The following MAPK10 variants were observed in gnomAD, a reference collection of about 807,000 sequenced individuals.
MAPK10 encodes the protein JNK3 alpha protein kinase.
A neutral mutation model predicts 59.3 loss-of-function variants in MAPK10; 25 were observed. The observed-to-expected ratio is 0.42, with a 90% CI of 0.31 to 0.59. The LOEUF (loss-of-function observed/expected upper bound fraction) is 0.59. Ranked by LOEUF, MAPK10 falls within the 20% of genes least tolerant of loss-of-function variation. The pLI is 0.15. For missense variants in MAPK10, 351 were observed against 568.9 expected (o/e 0.62, Z 3.90); for synonymous variants, 190 against 200.5 (o/e 0.95, Z 0.44).
At chr4:86,046,608 T>G (rs555984925) in intron 11 of MAPK10, among the ~76,000 whole-genome samples, 1 of 152,252 alleles carries the variant, frequency 6.6e-6, no homozygotes, top group African/African-American at 2.4e-5. Flanking sequence ...TTCAAAAATC[T>G]ACGATATATT....
intron 1 of MAPK10, among the ~76,000 whole-genome samples, chr4:86,468,183 C>T (rs967795713): frequency 6.6e-6 from 1 of 152,172 alleles, no homozygotes; most frequent in Non-Finnish European, 1.5e-5. Context: ...GATATTGCTA[C>T]GCTTTCATCC....
chr4:86,561,506 C>T (rs1422400923), intron 1 of MAPK10, among the ~76,000 whole-genome samples: 2 of 152,214 alleles, frequency 1.3e-5, no homozygotes. Context: ...TATCTACAAT[C>T]AACTGTTCAT....
intron 1 of MAPK10, among the ~76,000 whole-genome samples, chr4:86,365,429 C>T (rs1161804506): frequency 0.029 from 496 of 17,068 alleles, 10 homozygotes; most frequent in African/African-American, 0.064. Flanking sequence ...GAGACTCTGT[C>T]TCAAAAAAAA....
chr4:86,114,184 G>A (rs753961867), intron 4 of MAPK10, among the ~76,000 whole-genome samples: 13 of 152,096 alleles, frequency 8.5e-5, no homozygotes, highest in Non-Finnish European at 1.8e-4. Context: ...AGCAAAGTTC[G>A]TTATTACCCA....
At chr4:86,404,352 T>C (rs893255976) in intron 1 of MAPK10, among the ~76,000 whole-genome samples, 4 of 152,200 alleles carry the variant, frequency 2.6e-5, no homozygotes, top group Admixed American at 2.0e-4. Context: ...CAATTAACCG[T>C]TCCTGTGAAA....
At chr4:86,376,751 C>T (rs993275507) in intron 1 of MAPK10, among the ~76,000 whole-genome samples, 6 of 152,134 alleles carry the variant, frequency 3.9e-5, no homozygotes, top group Non-Finnish European at 7.3e-5. Context: ...TAAATCGAGT[C>T]TCTTAAATAA....
chr4:86,216,295 C>CAT (rs10639041), intron 2 of MAPK10, among the ~76,000 whole-genome samples: 13,230 of 130,904 alleles, frequency 0.1, 601 homozygotes, highest in Middle Eastern at 0.13. Flanking sequence ...ATATATATAG[C>CAT]ATATATATAT....
chr4:86,215,075 T>C (rs6831733), intron 2 of MAPK10, among the ~76,000 whole-genome samples: 12,914 of 152,148 alleles, frequency 0.085, 1,212 homozygotes, highest in African/African-American at 0.23. Context: ...TATAGATCAA[T>C]GAAATAGAAT....
intron 3 of MAPK10, among the ~76,000 whole-genome samples, chr4:86,184,188 T>C (rs2077601178): frequency 6.6e-6 from 1 of 152,190 alleles, no homozygotes; most frequent in Non-Finnish European, 1.5e-5. Flanking sequence ...CCATTGCTTT[T>C]GGTGTTTTAG....
chr4:86,243,745 C>A (rs1447408401), intron 2 of MAPK10, among the ~76,000 whole-genome samples: 1 of 149,896 alleles, frequency 6.7e-6, no homozygotes, highest in Non-Finnish European at 1.5e-5. Flanking sequence ...CCCCCTCCCC[C>A]AATCCTAGTA....
At chr4:86,356,674 G>C (rs1404027197) in intron 1 of MAPK10, 1 of 152,356 alleles carries the variant, frequency 6.6e-6, no homozygotes, top group Non-Finnish European at 1.5e-5. Context: ...ACAGGTTTCT[G>C]AAAAGATGGG....
intron 1 of MAPK10, among the ~76,000 whole-genome samples, chr4:86,505,928 G>T (rs550308038): frequency 7.9e-5 from 12 of 152,214 alleles, no homozygotes; most frequent in African/African-American, 2.4e-4. Context: ...AGATGATCTT[G>T]TTCCTGAACT....
At position 86,438,563 on chromosome 4, in the gene MAPK10, G is replaced by A. The variant is rs1450206727; in HGVS notation, c.-122+14467C>T. Among the ~76,000 whole-genome samples the A allele has an allele frequency of 7.9e-5, 12 of 151,954 alleles. No homozygotes were observed. In the East Asian group the frequency reaches 1.2e-3, roughly 15 times the overall value. Reference sequence around the variant, plus strand: ...AAATTAGCTGGGTGTGGTGGCAGGCGCCTATGATCCCAGCTACTCAGGAGG... The same window carrying A: ...AAATTAGCTGGGTGTGGTGGCAGGCACCTATGATCCCAGCTACTCAGGAGG... On this transcript the variant is annotated intron_variant, in intron 1 of 13. Coordinates refer to the MAPK10 transcript ENST00000361569.
In MAPK10 at chr4:86,523,242, G is replaced by A. The variant is rs186959731; in HGVS notation, c.-263+70668C>T. ...TAAATATTTATTGAGCAGCACAGCA[G>A]CATTACAGGAGGGTTATGGATTTGT... On this transcript the variant is annotated intron_variant, in intron 1 of 4. Transcript: ENST00000502302. Among the ~76,000 whole-genome samples the A allele has an allele frequency of 2.0e-4, 31 of 152,050 alleles. No individual in the cohort carries two copies. In the East Asian group the frequency reaches 5.8e-3, roughly 28 times the overall value.
chr4:86,192,876 C>T (rs1042987709), intron 3 of MAPK10: 1 of 152,064 alleles, frequency 6.6e-6, no homozygotes, highest in African/African-American at 2.4e-5. Flanking sequence ...GAATTTTCAG[C>T]CTTTTTGTGC....
chr4:86,174,678 T>C (rs893945440), intron 3 of MAPK10, among the ~76,000 whole-genome samples: 5 of 152,178 alleles, frequency 3.3e-5, no homozygotes, highest in Non-Finnish European at 5.9e-5. Context: ...TTTTAGCTCG[T>C]GCATCACAGG....
intron 2 of MAPK10, among the ~76,000 whole-genome samples, chr4:86,306,797 GC>G (rs1332345363): frequency 1.3e-5 from 2 of 152,156 alleles, no homozygotes; most frequent in Non-Finnish European, 2.9e-5. Flanking sequence ...TTCTGACATA[GC>G]CTTTGCCCAT....
At chr4:86,516,525 G>A (rs1426735098) in intron 1 of MAPK10, among the ~76,000 whole-genome samples, 1 of 152,100 alleles carries the variant, frequency 6.6e-6, no homozygotes, top group Non-Finnish European at 1.5e-5. Flanking sequence ...CATGGAATGT[G>A]TTTCCATTTG....
At chr4:86,578,552 T>C (rs1033389285) in intron 1 of MAPK10, among the ~76,000 whole-genome samples, 3 of 152,202 alleles carry the variant, frequency 2.0e-5, no homozygotes, top group Non-Finnish European at 2.9e-5. Flanking sequence ...TTGTGTGTTG[T>C]TTTTCACTGT....
Sources: allele counts gnomAD v4.1 joint callset (sites outside exome capture counted in the v4.1 genomes callset), GRCh38; gene constraint gnomAD v4.1.1; transcripts MANE v1.5; gene names NCBI Gene and HGNC (gene_info 2026-07-23, HGNC 2026-07-21).